SDK1: variants seen among roughly 807,000 people sequenced by gnomAD.
SDK1 encodes sidekick cell adhesion molecule 1.
In SDK1, 157 loss-of-function variants were observed where a neutral mutation model predicts 245.5. That is an observed-to-expected ratio of 0.64 (90% CI 0.56 to 0.73). The LOEUF (loss-of-function observed/expected upper bound fraction) is 0.73, where lower values mean the gene tolerates loss of function less well. SDK1 is among the 30% of genes least tolerant of loss of function. The pLI is 0.00. For missense variants in SDK1, 3,583 were observed against 3,002.3 expected (o/e 1.19, Z -4.52); for synonymous variants, 1,647 against 1,278.5 (o/e 1.29, Z -6.15).
chr7:3,561,837 C>T (rs74886371), intron 1 of SDK1, among the ~76,000 whole-genome samples: 1 of 152,310 alleles, frequency 6.6e-6, no homozygotes, highest in South Asian at 2.1e-4. Context: ...CATTATAAGA[C>T]TGGCCTTGCA....
rs140934976 is a variant in SDK1, at chr7:4,189,569, G to A, written c.5098+10983G>A. Reference sequence around the variant, plus strand: ...CTCAGCATTTAAAATCACTCGGCCGGCCAGGCATGGTGGCTCATGCCTGTA... The same window carrying A: ...CTCAGCATTTAAAATCACTCGGCCGACCAGGCATGGTGGCTCATGCCTGTA... On this transcript the variant is annotated intron_variant, in intron 35 of 44. Coordinates refer to ENST00000404826, the MANE Select transcript of SDK1 (RefSeq NM_152744.4). Among the ~76,000 whole-genome samples the A allele has an allele frequency of 1.0e-3, 159 of 152,288 alleles. 1 individual carries two copies. Among genetic ancestry groups the A allele is most frequent in the African/African-American group, 3.5e-3 (144 of 41,564 alleles).
At chr7:3,765,570 C>G (rs562864686) in intron 4 of SDK1, among the ~76,000 whole-genome samples, 2 of 152,244 alleles carry the variant, frequency 1.3e-5, no homozygotes, top group East Asian at 3.9e-4. Context: ...CTTTTGTTCT[C>G]CTGTATTTTC....
chr7:3,607,148 GC>G lies in SDK1; in HGVS notation c.299-11929del, dbSNP rs1215954458. On this transcript the variant is annotated intron_variant, in intron 1 of 44. Transcript: ENST00000404826. ...CACTACCTGCACTACACAAAGGAAG[GC>G]CCTTTTTTTTTTTAGTTTTTAAAAT... Among the ~76,000 whole-genome samples, 8 of 151,496 alleles carry G rather than the reference GC, an allele frequency of 5.3e-5. No homozygotes were observed. In the South Asian group the frequency reaches 8.4e-4, roughly 16 times the overall value.
intron 14 of SDK1, among the ~76,000 whole-genome samples, chr7:4,006,403 A>G (rs1469875150): frequency 5.3e-5 from 8 of 152,204 alleles, no homozygotes; most frequent in Admixed American, 5.2e-4. Context: ...GGTTTCCTTT[A>G]TCAAAAGATT....
chr7:3,407,870 T>C (rs539460543), intron 1 of SDK1, among the ~76,000 whole-genome samples: 1 of 152,134 alleles, frequency 6.6e-6, no homozygotes, highest in Non-Finnish European at 1.5e-5. Context: ...CTAGCACAGG[T>C]GAGGCATCCT....
Position 3,328,020 on chromosome 7 carries a change from A to G in SDK1, c.298+26136A>G, listed in dbSNP as rs1779977226. Among the ~76,000 whole-genome samples, 4 of 152,220 alleles carry G rather than the reference A, an allele frequency of 2.6e-5. No homozygotes were observed. The South Asian group carries it at 8.3e-4, about 32-fold the overall frequency. The stretch of plus-strand genomic sequence containing the variant: ...GTTTGTCCCTCTGGAGGCTGTGAAA[A>G]TTAGATTACTATGTGGAGCATATTC... On this transcript the variant is annotated intron_variant, in intron 1 of 44. Transcript: ENST00000404826.
intron 1 of SDK1, among the ~76,000 whole-genome samples, chr7:3,378,138 C>T (rs529405222): frequency 6.6e-6 from 1 of 152,272 alleles, no homozygotes; most frequent in South Asian, 2.1e-4. Context: ...TTTGTTGGCT[C>T]TGAGCTTCTC....
At chr7:3,886,595 T>C (rs191319618) in intron 5 of SDK1, among the ~76,000 whole-genome samples, 167 of 152,306 alleles carry the variant, frequency 1.1e-3, no homozygotes, top group African/African-American at 3.9e-3. Flanking sequence ...TTGGGTTGGG[T>C]ATATTTTCCA....
rs1486557558 is a variant in SDK1 at position 4,227,529 on chromosome 7, G to A, written c.5828-5726G>A. The A allele has an allele frequency of 8.8e-6, 4 of 454,584 alleles. No individual in the cohort carries two copies. In the East Asian group the frequency reaches 2.8e-4, roughly 32 times the overall value. 28.2% of individuals were successfully genotyped at this position (454,584 alleles called of 1,614,324 possible). On this transcript the variant is annotated intron_variant, in intron 40 of 44. Coordinates refer to ENST00000404826, the MANE Select transcript of SDK1 (RefSeq NM_152744.4). ...TTGGCCATTCATACAAAAAGAAATG[G>A]CAGTATTTAAGAAATAAACAACTGA...
chr7:3,533,993 T>G (rs1778791830), intron 1 of SDK1, among the ~76,000 whole-genome samples: 1 of 152,220 alleles, frequency 6.6e-6, no homozygotes, highest in Non-Finnish European at 1.5e-5. Flanking sequence ...CAATGCTGTA[T>G]AGCAGATCTC....
chr7:3,600,675 T>A (rs1583213497), intron 1 of SDK1, among the ~76,000 whole-genome samples: 1 of 148,644 alleles, frequency 6.7e-6, no homozygotes, highest in Admixed American at 6.8e-5. Flanking sequence ...CAGCCTCCCA[T>A]GTAGCTGGGA....
chr7:4,245,574 C>T lies in SDK1; in HGVS notation c.6252-102C>T. The T allele has an allele frequency of 2.9e-6, 4 of 1,387,224 alleles. No homozygotes were observed. The South Asian group carries it at 4.0e-5, about 14-fold the overall frequency. 85.9% of individuals were successfully genotyped at this position (1,387,224 alleles called of 1,614,324 possible). A position where few individuals can be genotyped will look rare whatever the true frequency, so the allele number is the denominator to read the frequency against. Reference sequence around the variant, plus strand: ...AGTGATGTCAAAGGCTGTGGGTTTCCTCTTAGTCCAACGCAATAAAGGCCA... The same window carrying T: ...AGTGATGTCAAAGGCTGTGGGTTTCTTCTTAGTCCAACGCAATAAAGGCCA... On this transcript the variant is annotated intron_variant, in intron 43 of 44. Coordinates refer to ENST00000404826, the MANE Select transcript of SDK1 (RefSeq NM_152744.4).
At chr7:3,566,769 T>G (rs1054784497) in intron 1 of SDK1, among the ~76,000 whole-genome samples, 2 of 144,628 alleles carry the variant, frequency 1.4e-5, no homozygotes, top group Non-Finnish European at 3.0e-5. Context: ...AAATAAGAGA[T>G]ATGACCACAC....
chr7:4,064,410 G>C (rs1318201450), intron 19 of SDK1, among the ~76,000 whole-genome samples: 1 of 152,082 alleles, frequency 6.6e-6, no homozygotes. Flanking sequence ...GAATTAAAAA[G>C]ACATAAAAAA....
At chr7:3,838,577 G>C (rs1028442998) in intron 5 of SDK1, among the ~76,000 whole-genome samples, 11 of 152,168 alleles carry the variant, frequency 7.2e-5, no homozygotes, top group Non-Finnish European at 1.6e-4. Flanking sequence ...TTGGCAGAGG[G>C]TGCAAACAGA....
chr7:3,444,466 C>G (rs564580390), intron 1 of SDK1, among the ~76,000 whole-genome samples: 1 of 152,164 alleles, frequency 6.6e-6, no homozygotes, highest in Non-Finnish European at 1.5e-5. Context: ...TTTCATGATA[C>G]AATTATAGTA....
intron 5 of SDK1, among the ~76,000 whole-genome samples, chr7:3,859,475 T>C (rs1336358637): frequency 6.6e-6 from 1 of 152,158 alleles, no homozygotes; most frequent in Non-Finnish European, 1.5e-5. Context: ...AGGCTGTAGG[T>C]GCCCACTGTG....
chr7:4,157,469 G>GGCAGGAGA (rs1780828243), intron 30 of SDK1, among the ~76,000 whole-genome samples: 1 of 92,310 alleles, frequency 1.1e-5, no homozygotes, highest in Admixed American at 1.2e-4. Flanking sequence ...AGGGAGAGAA[G>GGCAGGAGA]GAAGGAGGGA....
Position 4,245,734 on chromosome 7 carries a change from A to G in SDK1, c.6310A>G (p.Lys2104Glu). The G allele has an allele frequency of 1.2e-6, 2 of 1,614,014 alleles. No homozygotes were observed. Among genetic ancestry groups the G allele is most frequent in the Non-Finnish European group, 1.7e-6 (2 of 1,179,960 alleles). The part of the protein sequence containing the change: ...LHYSDEDICN[K>E]YNGAVLTESV... ...CTACTCAGACGAGGACATCTGCAAC[A>G]AGTACAACGGCGCCGTGCTGACCGA... Residue 2104 changes from lysine to glutamate, a missense_variant, in exon 44 of 45, where the codon AAG (lysine) becomes GAG (glutamate). Lys to Glu is a moderately conservative substitution (Grantham distance 56). Transcript: ENST00000404826.
Sources: allele counts gnomAD v4.1 joint callset (sites outside exome capture counted in the v4.1 genomes callset), GRCh38; gene constraint gnomAD v4.1.1; transcripts MANE v1.5; gene names NCBI Gene and HGNC (gene_info 2026-07-23, HGNC 2026-07-21).